The following ADAMTS17 variants were observed in gnomAD, a reference collection of about 807,000 sequenced individuals.
ADAMTS17 encodes the protein A disintegrin and metalloproteinase with thrombospondin motifs 17.
A neutral mutation model predicts 141.5 loss-of-function variants in ADAMTS17; 113 were observed. The ratio of observed to expected loss-of-function variants is 0.80; its 90% CI spans 0.69 to 0.93. The LOEUF is 0.93. ADAMTS17 is among the 40% of genes least tolerant of loss of function. The pLI is 0.00. For synonymous variants in ADAMTS17, 768 were observed against 630.6 expected (o/e 1.22, Z -3.27); for missense variants, 1,659 against 1,517.9 (o/e 1.09, Z -1.54).
chr15:100,295,269 T>C (rs903030330), intron 3 of ADAMTS17, among the ~76,000 whole-genome samples: 1 of 152,164 alleles, frequency 6.6e-6, no homozygotes, highest in Non-Finnish European at 1.5e-5. Flanking sequence ...CAGCCCCTCT[T>C]CTGCACGCTG....
At position 100,160,151 on chromosome 15, in the gene ADAMTS17, T is replaced by C. The variant is rs554338935; in HGVS notation, c.1182-4831A>G. ...TACAGCATTATCTTACTTTGAGAAA[T>C]ATTCAAGTCCCTTAAGAAAACAACT... On this transcript the variant is annotated intron_variant, in intron 8 of 21. Coordinates refer to ENST00000268070, the MANE Select transcript of ADAMTS17 (RefSeq NM_139057.4). Among the ~76,000 whole-genome samples the C allele has an allele frequency of 2.0e-5, 3 of 152,308 alleles. No homozygotes were observed. The South Asian group carries it at 6.2e-4, about 32-fold the overall frequency.
intron 2 of ADAMTS17, among the ~76,000 whole-genome samples, chr15:100,332,999 A>G (rs1482836395): frequency 6.6e-6 from 1 of 152,142 alleles, no homozygotes; most frequent in Non-Finnish European, 1.5e-5. Context: ...GGTTCCTTCA[A>G]GCCTAACACT....
intron 8 of ADAMTS17, among the ~76,000 whole-genome samples, chr15:100,157,781 A>G (rs1016959002): frequency 1.3e-5 from 2 of 152,222 alleles, no homozygotes; most frequent in African/African-American, 4.8e-5. Context: ...CGTTAGATTC[A>G]GTCTCGTCCT....
chr15:100,199,297 GAC>G lies in ADAMTS17; in HGVS notation c.1181+19_1181+20del, dbSNP rs760970804. On this transcript the variant is annotated intron_variant, in intron 8 of 21. Transcript: ENST00000268070. The stretch of plus-strand genomic sequence containing the variant: ...AAAAAGGACTGAAAGAAAACAGGAC[GAC>G]ACAGAGTCTGATACTTACTTGTGGC... 33 of 1,601,530 alleles carry G rather than the reference GAC, an allele frequency of 2.1e-5. No individual in the cohort carries two copies. Among genetic ancestry groups the G allele is most frequent in the Non-Finnish European group, 2.8e-5 (33 of 1,168,610 alleles).
intron 3 of ADAMTS17, among the ~76,000 whole-genome samples, chr15:100,307,154 C>T (rs559885159): frequency 1.9e-4 from 29 of 152,286 alleles, no homozygotes; most frequent in African/African-American, 6.7e-4. Context: ...AGGACCACAC[C>T]AAACCAATGA....
intron 8 of ADAMTS17, among the ~76,000 whole-genome samples, chr15:100,173,899 T>C (rs1275684643): frequency 6.6e-6 from 1 of 152,206 alleles, no homozygotes; most frequent in East Asian, 1.9e-4. Context: ...AGTGTACCAC[T>C]GAGGCCAAAC....
chr15:100,214,180 C>T (rs971263818), intron 7 of ADAMTS17, among the ~76,000 whole-genome samples: 9 of 152,148 alleles, frequency 5.9e-5, no homozygotes, highest in Non-Finnish European at 1.0e-4. Context: ...CCAACCCCAC[C>T]GTCTCCCCCT....
chr15:100,158,162 C>T (rs1300505353), intron 8 of ADAMTS17, among the ~76,000 whole-genome samples: 1 of 152,188 alleles, frequency 6.6e-6, no homozygotes, highest in Non-Finnish European at 1.5e-5. Context: ...GCTGGGATTA[C>T]AGGCGTCAGC....
intron 3 of ADAMTS17, among the ~76,000 whole-genome samples, chr15:100,282,825 C>T (rs543519340): frequency 1.3e-5 from 2 of 152,158 alleles, no homozygotes; most frequent in Admixed American, 6.5e-5. Context: ...CCATTAAAAT[C>T]ATACCACGAA....
intron 14 of ADAMTS17, among the ~76,000 whole-genome samples, chr15:100,099,886 C>T (rs552666501): frequency 3.3e-5 from 5 of 152,232 alleles, no homozygotes; most frequent in South Asian, 2.1e-4. Flanking sequence ...CAGGATGGGC[C>T]GTGGACAGTG....
At chr15:100,230,242 T>C (rs904687636) in intron 7 of ADAMTS17, among the ~76,000 whole-genome samples, 15 of 152,226 alleles carry the variant, frequency 9.9e-5, no homozygotes, top group Non-Finnish European at 5.9e-5. Context: ...AAAGCCACAC[T>C]TGCAGACCCC....
intron 14 of ADAMTS17, among the ~76,000 whole-genome samples, chr15:100,107,715 A>C (rs980022057): frequency 1.3e-4 from 20 of 152,210 alleles, no homozygotes; most frequent in African/African-American, 4.8e-4. Context: ...ACACAGCAAG[A>C]AACACTGTCT....
intron 3 of ADAMTS17, among the ~76,000 whole-genome samples, chr15:100,328,995 G>A (rs538658580): frequency 6.6e-6 from 1 of 152,212 alleles, no homozygotes; most frequent in African/African-American, 2.4e-5. Flanking sequence ...AGTCCTTAGC[G>A]ATGTGGTTTT....
intron 7 of ADAMTS17, among the ~76,000 whole-genome samples, chr15:100,220,396 A>G (rs1168018439): frequency 1.3e-5 from 2 of 152,198 alleles, no homozygotes; most frequent in African/African-American, 4.8e-5. Flanking sequence ...TTCACTGTGA[A>G]AATATTCAAA....
chr15:100,008,965 G>A (rs2061099068), intron 18 of ADAMTS17, among the ~76,000 whole-genome samples: 1 of 152,134 alleles, frequency 6.6e-6, no homozygotes, highest in Admixed American at 6.5e-5. Context: ...TCAGCCTACT[G>A]CATAGCTGGG....
rs146470939 is a variant in ADAMTS17, at chr15:100,124,963, G to A, written c.1721+7044C>T. On this transcript the variant is annotated intron_variant, in intron 12 of 21. Transcript: ENST00000268070. ...CTGCCCCTTTCTTTGAGAGTGGATG[G>A]ACAGGTAGAATCAAGAGAGGCTGGA... is the stretch of plus-strand genomic sequence containing the variant. 9.3e-3 allele frequency among the ~76,000 whole-genome samples: 1,419 copies of A among 152,302 alleles called. 13 individuals are homozygous for A. The highest frequency in any genetic ancestry group is 0.015 in the Non-Finnish European group (1,051 of 68,038).
intron 2 of ADAMTS17, among the ~76,000 whole-genome samples, chr15:100,340,747 G>C (rs1216714235): frequency 6.6e-6 from 1 of 150,678 alleles, no homozygotes; most frequent in Non-Finnish European, 1.5e-5. Context: ...ATCCCTGCCA[G>C]ATCTGCGCTC....
At chr15:100,032,079 C>T (rs1242247616) in intron 18 of ADAMTS17, among the ~76,000 whole-genome samples, 1 of 152,146 alleles carries the variant, frequency 6.6e-6, no homozygotes. Context: ...GTTTCAGAAG[C>T]TGTGGGTTTG....
chr15:100,309,653 A>G (rs57960682), intron 3 of ADAMTS17, among the ~76,000 whole-genome samples: 2,052 of 152,320 alleles, frequency 0.013, 36 homozygotes, highest in East Asian at 0.069. Flanking sequence ...GACACAAGCC[A>G]TGCCCTTTCT....
Sources: gnomAD v4.1 joint callset for allele counts (sites outside exome capture counted in the v4.1 genomes callset) on GRCh38, gnomAD v4.1.1 for gene constraint, MANE v1.5 for transcripts, NCBI Gene and HGNC (gene_info 2026-07-23, HGNC 2026-07-21) for gene names.